Variants in CALN1 observed in about 807,000 individuals in gnomAD.
CALN1 encodes calcium-binding protein 8.
A neutral mutation model predicts 30.6 loss-of-function variants in CALN1; 17 were observed. The ratio of observed to expected loss-of-function variants is 0.56; its 90% CI spans 0.38 to 0.83. The LOEUF (loss-of-function observed/expected upper bound fraction) is 0.83. CALN1 is among the 40% of genes least tolerant of loss of function. The pLI is 0.00. For missense variants in CALN1, 291 were observed against 354.9 expected (o/e 0.82, Z 1.45); for synonymous variants, 156 against 131.4 (o/e 1.19, Z -1.28).
At chr7:72,492,765 G>A in the CALN1 span, among the ~76,000 whole-genome samples, 4 of 152,178 alleles carry the variant, frequency 2.6e-5, no homozygotes, top group Non-Finnish European at 4.4e-5. Context: ...CCATGGCAAC[G>A]ATCAGAAAAT....
the CALN1 span, among the ~76,000 whole-genome samples, chr7:72,487,238 G>A: frequency 2.0e-5 from 3 of 152,156 alleles, no homozygotes; most frequent in Admixed American, 6.6e-5. Flanking sequence ...AACAGTTGGC[G>A]AGAATGGTGT....
Position 72,271,575 on chromosome 7 carries a change from A to AAAAAAAATATAT in CALN1, c.244+7110_244+7111insATATATTTTTTT. On this transcript the variant is annotated intron_variant, in intron 3 of 6. Coordinates refer to ENST00000395275, the MANE Select transcript of CALN1 (RefSeq NM_031468.4). ...CTGTGCCTGCCTTTTAAAAAAAAAA[A>AAAAAAAATATAT]ATATATATATATATATATAGTTTTC... Among the ~76,000 whole-genome samples, 116 of 52,114 alleles carry AAAAAAAATATAT rather than the reference A, an allele frequency of 2.2e-3. 4 individuals carry two copies. The highest frequency in any genetic ancestry group is 8.1e-3 in the South Asian group (7 of 868). 34.2% of individuals were successfully genotyped at this position (52,114 alleles called of 152,430 possible). A position where few individuals can be genotyped will look rare whatever the true frequency, so the allele number is the denominator to read the frequency against.
At chr7:72,206,914 A>G (rs1585163829) in intron 3 of CALN1, among the ~76,000 whole-genome samples, 1 of 152,182 alleles carries the variant, frequency 6.6e-6, no homozygotes, top group African/African-American at 2.4e-5. Flanking sequence ...TGAATGAGGT[A>G]GGTCCCTGTA....
intron 2 of CALN1, among the ~76,000 whole-genome samples, chr7:72,352,649 T>C (rs1309031208): frequency 1.3e-5 from 2 of 152,078 alleles, no homozygotes; most frequent in Non-Finnish European, 2.9e-5. Context: ...AAACAGTGCT[T>C]ACAAGGAAAA....
At chr7:72,371,261 C>T (rs188692331) in intron 2 of CALN1, among the ~76,000 whole-genome samples, 2 of 152,050 alleles carry the variant, frequency 1.3e-5, no homozygotes, top group Non-Finnish European at 2.9e-5. Context: ...TTTGTGAGAT[C>T]TAAGGATTGA....
chr7:71,788,214 C>T (rs1366417328), intron 6 of CALN1, among the ~76,000 whole-genome samples: 1 of 152,088 alleles, frequency 6.6e-6, no homozygotes, highest in East Asian at 1.9e-4. Flanking sequence ...CTTTCAGAGC[C>T]CGGAAATATG....
chr7:71,966,255 A>G (rs1797524760), intron 5 of CALN1, among the ~76,000 whole-genome samples: 1 of 152,230 alleles, frequency 6.6e-6, no homozygotes. Context: ...CTTTACTTGC[A>G]AAATAAGTGG....
In CALN1 at chr7:72,219,662, C is replaced by A. The variant is rs115148694; in HGVS notation, c.244+59024G>T. On this transcript the variant is annotated intron_variant, in intron 3 of 6. Coordinates refer to ENST00000395275, the MANE Select transcript of CALN1 (RefSeq NM_031468.4). ...GCGCACACACACACACGCACACACA[C>A]CCTTGCACACACATGCATACACATG... Among the ~76,000 whole-genome samples, 1,057 of 144,528 alleles carry A rather than the reference C, an allele frequency of 7.3e-3. 16 individuals carry two copies. Among genetic ancestry groups the A allele is most frequent in the African/African-American group, 0.026 (1,022 of 39,762 alleles). The allele number at this position is 144,528 out of a possible 152,430, so 94.8% of individuals were successfully genotyped here. A position where few individuals can be genotyped will look rare whatever the true frequency, so the allele number is the denominator to read the frequency against.
chr7:71,855,787 C>CT (rs1210336270), intron 5 of CALN1, among the ~76,000 whole-genome samples: 1 of 152,182 alleles, frequency 6.6e-6, no homozygotes, highest in African/African-American at 2.4e-5. Context: ...CCTGTCAACT[C>CT]TGTGAGCTAC....
At chr7:72,058,155 C>T (rs941471646) in intron 4 of CALN1, among the ~76,000 whole-genome samples, 6 of 152,100 alleles carry the variant, frequency 3.9e-5, no homozygotes, top group Non-Finnish European at 7.3e-5. Flanking sequence ...ACGTTAAACA[C>T]CTACACGTGC....
At chr7:71,808,079 CAAACA>C (rs774840438) in intron 6 of CALN1, among the ~76,000 whole-genome samples, 2 of 151,846 alleles carry the variant, frequency 1.3e-5, no homozygotes, top group Non-Finnish European at 2.9e-5. Flanking sequence ...GTCTCAAAAA[CAAACA>C]AAACAAAACA....
Position 72,366,761 on chromosome 7 carries a change from T to G in CALN1, c.119+36490A>C, listed in dbSNP as rs182689680. Among the ~76,000 whole-genome samples the G allele has an allele frequency of 8.5e-4, 129 of 152,274 alleles. 1 individual carries two copies. In the South Asian group the frequency reaches 0.012, roughly 14 times the overall value. On this transcript the variant is annotated intron_variant, in intron 2 of 6. Transcript: ENST00000395275. ...AATAGTTTGTCCATTATGATAACCA[T>G]TTATTCAAAGTTGCATCTAAATTGC...
At chr7:72,475,816 T>G in the CALN1 span, among the ~76,000 whole-genome samples, 1 of 152,006 alleles carries the variant, frequency 6.6e-6, no homozygotes, top group Non-Finnish European at 1.5e-5. Context: ...TGGTGAGAGG[T>G]AATTGAATCA....
intron 3 of CALN1, among the ~76,000 whole-genome samples, chr7:72,257,585 C>T (rs1795998242): frequency 6.6e-6 from 1 of 152,218 alleles, no homozygotes; most frequent in Non-Finnish European, 1.5e-5. Flanking sequence ...GTAGATCTAC[C>T]ACTTGATCCA....
chr7:71,936,226 C>T (rs544260579), intron 5 of CALN1, among the ~76,000 whole-genome samples: 130 of 152,074 alleles, frequency 8.5e-4, no homozygotes, highest in African/African-American at 2.9e-3. Flanking sequence ...GGACTGGGCG[C>T]GGTGGCTCAC....
At position 72,183,656 on chromosome 7, in the gene CALN1, G is replaced by A. The variant is rs146665899; in HGVS notation, c.245-77362C>T. The stretch of plus-strand genomic sequence containing the variant: ...TGATTAAGAATTAATACATGACAGA[G>A]TGTATTAGCAAAACAGGCAAGTTGC... On this transcript the variant is annotated intron_variant, in intron 3 of 6. Coordinates refer to ENST00000395275, the MANE Select transcript of CALN1 (RefSeq NM_031468.4). Among the ~76,000 whole-genome samples, 16 of 152,318 alleles carry A rather than the reference G, an allele frequency of 1.1e-4. No homozygotes were observed. In the East Asian group the frequency reaches 2.9e-3, roughly 28 times the overall value.
chr7:72,202,962 TA>T (rs1791546453), intron 3 of CALN1, among the ~76,000 whole-genome samples: 1 of 151,926 alleles, frequency 6.6e-6, no homozygotes, highest in South Asian at 2.1e-4. Context: ...ATAAACTGGA[TA>T]AAGAAAATGT....
intron 5 of CALN1, among the ~76,000 whole-genome samples, chr7:71,954,098 A>T (rs116866875): frequency 0.021 from 3,175 of 152,292 alleles, 38 homozygotes; most frequent in Non-Finnish European, 0.032. Context: ...CTGAGGCAGG[A>T]GGATTGCTTG....
At chr7:72,177,231 C>G (rs1027764820) in intron 3 of CALN1, among the ~76,000 whole-genome samples, 1 of 152,096 alleles carries the variant, frequency 6.6e-6, no homozygotes, top group Non-Finnish European at 1.5e-5. Flanking sequence ...TGTGTAGCCC[C>G]TTCTTATTGT....
Sources: allele counts gnomAD v4.1 joint callset (sites outside exome capture counted in the v4.1 genomes callset), GRCh38; gene constraint gnomAD v4.1.1; transcripts MANE v1.5; gene names NCBI Gene and HGNC (gene_info 2026-07-23, HGNC 2026-07-21).